SLC2A13: variants seen among roughly 807,000 people sequenced by gnomAD.
The protein encoded by SLC2A13 is solute carrier family 2 member 13, also known as proton myo-inositol cotransporter.
Under a neutral mutation model 64.4 loss-of-function variants are expected in SLC2A13, and 32 were observed. The observed-to-expected ratio is 0.50, with a 90% CI of 0.37 to 0.67. SLC2A13 has a LOEUF of 0.67. Ranked by LOEUF, SLC2A13 falls within the 30% of genes least tolerant of loss-of-function variation. SLC2A13 has a pLI of 0.00. For missense variants in SLC2A13, 743 were observed against 829.2 expected (o/e 0.90, Z 1.28); for synonymous variants, 338 against 327.1 (o/e 1.03, Z -0.36).
intron 7 of SLC2A13, among the ~76,000 whole-genome samples, chr12:39,786,135 T>C (rs1941176108): frequency 6.6e-6 from 1 of 152,122 alleles, no homozygotes; most frequent in South Asian, 2.1e-4. Flanking sequence ...CGGAATGATG[T>C]GCTTTGGCTT....
chr12:39,841,745 A>T (rs574407915), intron 6 of SLC2A13, among the ~76,000 whole-genome samples: 3 of 152,204 alleles, frequency 2.0e-5, no homozygotes, highest in African/African-American at 7.2e-5. Context: ...AGAGAAAAAA[A>T]CAGTAACTAA....
At chr12:40,088,065 A>C (rs962382564) in intron 1 of SLC2A13, among the ~76,000 whole-genome samples, 3 of 152,232 alleles carry the variant, frequency 2.0e-5, no homozygotes, top group Non-Finnish European at 4.4e-5. Context: ...AGTTTCATAC[A>C]GTTTGTCTTA....
chr12:39,794,598 G>A (rs961186650), intron 7 of SLC2A13, among the ~76,000 whole-genome samples: 4 of 152,138 alleles, frequency 2.6e-5, no homozygotes, highest in Non-Finnish European at 5.9e-5. Context: ...TTCAAAGAAG[G>A]CAAAGGCAGA....
At chr12:39,785,352 C>A (rs527423462) in intron 7 of SLC2A13, among the ~76,000 whole-genome samples, 43 of 152,314 alleles carry the variant, frequency 2.8e-4, no homozygotes, top group Non-Finnish European at 4.6e-4. Flanking sequence ...AAGCCCTAAG[C>A]CTTGGCAGCT....
intron 4 of SLC2A13, among the ~76,000 whole-genome samples, chr12:39,949,285 C>G (rs11564226): frequency 0.092 from 14,017 of 152,236 alleles, 829 homozygotes; most frequent in Non-Finnish European, 0.13. Context: ...TGTTTTACAT[C>G]ATGTAGACAC....
intron 2 of SLC2A13, 55 bp from the exon 3 acceptor site, chr12:40,028,564 C>T: frequency 1.3e-6 from 2 of 1,546,754 alleles, no homozygotes; most frequent in Non-Finnish European, 1.8e-6. Context: ...CCATCATGTG[C>T]TCACCACATA....
chr12:39,994,486 G>A (rs1947194426), intron 3 of SLC2A13, among the ~76,000 whole-genome samples: 1 of 151,468 alleles, frequency 6.6e-6, no homozygotes, highest in African/African-American at 2.4e-5. Flanking sequence ...ATAGAAAAAG[G>A]GAAAAAAAAA....
chr12:39,896,357 T>C (rs1944876899), intron 4 of SLC2A13, among the ~76,000 whole-genome samples: 2 of 139,266 alleles, frequency 1.4e-5, no homozygotes, highest in Non-Finnish European at 3.1e-5. Context: ...TGTATGTATA[T>C]GTGTATATAT....
chr12:40,018,650 T>C (rs1947659249), intron 3 of SLC2A13, among the ~76,000 whole-genome samples: 1 of 152,222 alleles, frequency 6.6e-6, no homozygotes, highest in Non-Finnish European at 1.5e-5. Context: ...AGGCCTTCTT[T>C]GCCCAGAGAA....
chr12:39,763,363 G>A lies in SLC2A13; in HGVS notation c.1720+1097C>T, dbSNP rs146646610. On this transcript the variant is annotated intron_variant, in intron 9 of 9. Transcript: ENST00000280871. Reference sequence around the variant, plus strand: ...AAATACCAGTTCAGCATGGTCAGAAGAGATGGGGAATAGATTTTTATAATG... The same window carrying A: ...AAATACCAGTTCAGCATGGTCAGAAAAGATGGGGAATAGATTTTTATAATG... Among the ~76,000 whole-genome samples, 18 of 152,190 alleles carry A rather than the reference G, an allele frequency of 1.2e-4. No individual in the cohort carries two copies. The East Asian group carries it at 3.5e-3, about 29-fold the overall frequency.
intron 4 of SLC2A13, among the ~76,000 whole-genome samples, chr12:39,942,944 G>C (rs1267042414): frequency 6.6e-6 from 1 of 152,012 alleles, no homozygotes; most frequent in Non-Finnish European, 1.5e-5. Flanking sequence ...GTTTCTCTGT[G>C]GATGTCCTTT....
At chr12:39,790,701 G>T (rs1194995873) in intron 7 of SLC2A13, among the ~76,000 whole-genome samples, 1 of 98,002 alleles carries the variant, frequency 1.0e-5, no homozygotes, top group African/African-American at 3.9e-5. Flanking sequence ...TGTCTTTATA[G>T]CAGCATGATT....
Position 39,920,771 on chromosome 12 carries a change from G to A in SLC2A13, c.1034+30486C>T, listed in dbSNP as rs745725908. The stretch of plus-strand genomic sequence containing the variant: ...TAAAGGTATTGTGAGGATTAAATAC[G>A]TCCATCTGTGCATAGCATTCCGATG... On this transcript the variant is annotated intron_variant, in intron 4 of 9. Coordinates refer to ENST00000280871, the MANE Select transcript of SLC2A13 (RefSeq NM_052885.4). Among the ~76,000 whole-genome samples the A allele has an allele frequency of 5.1e-4, 78 of 152,088 alleles. 1 individual carries two copies. The highest frequency in any genetic ancestry group is 3.4e-3 in the Middle Eastern group (1 of 294).
intron 4 of SLC2A13, among the ~76,000 whole-genome samples, chr12:39,946,729 A>G (rs1946141935): frequency 1.3e-5 from 2 of 152,224 alleles, no homozygotes; most frequent in East Asian, 3.9e-4. Context: ...AACAGCCCCA[A>G]GTCTGTTTCC....
intron 7 of SLC2A13, among the ~76,000 whole-genome samples, chr12:39,773,085 A>G (rs1305480103): frequency 6.6e-6 from 1 of 152,226 alleles, no homozygotes; most frequent in Admixed American, 6.5e-5. Flanking sequence ...CTGCTGGTAG[A>G]AGAACATAAT....
chr12:39,966,762 G>T (rs1257108470), intron 3 of SLC2A13, among the ~76,000 whole-genome samples: 2 of 152,118 alleles, frequency 1.3e-5, no homozygotes, highest in Non-Finnish European at 2.9e-5. Context: ...TGGGCAAGGA[G>T]AATTCGAAAG....
chr12:39,825,103 C>T (rs932918669), intron 7 of SLC2A13, among the ~76,000 whole-genome samples: 1 of 152,108 alleles, frequency 6.6e-6, no homozygotes, highest in African/African-American at 2.4e-5. Flanking sequence ...AATAGGGAAT[C>T]TATCTAGCTA....
chr12:39,935,675 A>G (rs548612815), intron 4 of SLC2A13, among the ~76,000 whole-genome samples: 1 of 152,332 alleles, frequency 6.6e-6, no homozygotes, highest in African/African-American at 2.4e-5. Flanking sequence ...GGAGGCCAGA[A>G]GGGGAACATT....
intron 3 of SLC2A13, among the ~76,000 whole-genome samples, chr12:39,961,863 A>G (rs1946420473): frequency 6.7e-6 from 1 of 150,300 alleles, no homozygotes; most frequent in South Asian, 2.1e-4. Context: ...CTGCGGCACA[A>G]TCACAGCTCA....
Sources: gnomAD v4.1 joint callset for allele counts (sites outside exome capture counted in the v4.1 genomes callset) on GRCh38, gnomAD v4.1.1 for gene constraint, MANE v1.5 for transcripts, NCBI Gene and HGNC (gene_info 2026-07-23, HGNC 2026-07-21) for gene names.